Variants in KLHL1 observed in about 807,000 individuals in gnomAD.
KLHL1 encodes kelch-like protein 1.
Under a neutral mutation model 77.7 loss-of-function variants are expected in KLHL1, and 47 were observed. That is an observed-to-expected ratio of 0.60 (90% CI 0.48 to 0.77). The LOEUF is 0.77. Among genes scored for constraint, KLHL1 ranks in the 30% least tolerant of loss-of-function variants. KLHL1 has a pLI of 0.00. For missense variants in KLHL1, 925 were observed against 910.8 expected (o/e 1.02, Z -0.20); for synonymous variants, 360 against 325.2 (o/e 1.11, Z -1.15).
At chr13:69,869,036 G>A (rs542345839) in intron 5 of KLHL1, among the ~76,000 whole-genome samples, 5 of 151,940 alleles carry the variant, frequency 3.3e-5, no homozygotes, top group Non-Finnish European at 5.9e-5. Flanking sequence ...GGCCTGATAA[G>A]GAAGCTAACG....
intron 1 of KLHL1, among the ~76,000 whole-genome samples, chr13:70,013,543 A>G (rs1013124683): frequency 2.0e-5 from 3 of 152,168 alleles, no homozygotes; most frequent in Admixed American, 6.5e-5. Context: ...AAGTTGAAGC[A>G]TTGTTCTTTG....
rs541609682 is a variant in KLHL1 at position 69,835,829 on chromosome 13, A to G, written c.1414+3147T>C. 3.9e-5 allele frequency among the ~76,000 whole-genome samples: 6 copies of G among 152,168 alleles called. No individual in the cohort carries two copies. In the South Asian group the frequency reaches 1.2e-3, roughly 32 times the overall value. ...AAGAAATAATGGACAGAATGAAAAA[A>G]AATAAGTGAAGAACATTAAAATTCA... is the stretch of plus-strand genomic sequence containing the variant. On this transcript the variant is annotated intron_variant, in intron 6 of 10. Coordinates refer to ENST00000377844, the MANE Select transcript of KLHL1 (RefSeq NM_020866.3).
At chr13:69,790,094 C>T (rs1006840198) in intron 7 of KLHL1, among the ~76,000 whole-genome samples, 1 of 151,860 alleles carries the variant, frequency 6.6e-6, no homozygotes. Flanking sequence ...CTAAGCTAAC[C>T]ATTATGTTTC....
chr13:70,102,541 A>G (rs1023844952), intron 1 of KLHL1, among the ~76,000 whole-genome samples: 3 of 152,118 alleles, frequency 2.0e-5, no homozygotes, highest in Non-Finnish European at 4.4e-5. Flanking sequence ...ATAACCTCAG[A>G]TGCTGCCTCT....
chr13:70,101,417 A>G (rs148930838), intron 1 of KLHL1, among the ~76,000 whole-genome samples: 6 of 152,016 alleles, frequency 3.9e-5, no homozygotes, highest in Non-Finnish European at 7.4e-5. Flanking sequence ...ATCCAATTCA[A>G]TAGCCGTATA....
chr13:70,001,697 C>CT (rs1555289483), intron 1 of KLHL1, among the ~76,000 whole-genome samples: 11 of 148,010 alleles, frequency 7.4e-5, no homozygotes, highest in Admixed American at 2.0e-4. Flanking sequence ...ATCTATCTAT[C>CT]ATCTTTCTAC....
Position 69,965,333 on chromosome 13 carries a change from T to C in KLHL1, c.681-3889A>G, listed in dbSNP as rs187282577. On this transcript the variant is annotated intron_variant, in intron 2 of 10. Coordinates refer to ENST00000377844, the MANE Select transcript of KLHL1 (RefSeq NM_020866.3). ...ATATTTCAAATATTTTATTGTTATGTCTGTTACAGTAATTTGTGAGCAGTG... is the reference window on the plus strand; with the variant it reads ...ATATTTCAAATATTTTATTGTTATGCCTGTTACAGTAATTTGTGAGCAGTG... 1.5e-4 allele frequency among the ~76,000 whole-genome samples: 23 copies of C among 152,316 alleles called. No homozygotes were observed. In the East Asian group the frequency reaches 3.7e-3, roughly 24 times the overall value.
chr13:69,829,660 A>G (rs1303126264), intron 6 of KLHL1, among the ~76,000 whole-genome samples: 1 of 150,046 alleles, frequency 6.7e-6, no homozygotes, highest in Non-Finnish European at 1.5e-5. Context: ...CGCCAGAGAA[A>G]GGTGAAAAAC....
At chr13:69,939,350 T>TATATATATATATATATATACATAC (rs1883284722) in intron 4 of KLHL1, among the ~76,000 whole-genome samples, 2 of 46,936 alleles carry the variant, frequency 4.3e-5, no homozygotes, top group African/African-American at 8.7e-5. Context: ...CATATATATA[T>TATATATATATATATATATACATAC]ATATATATAT....
intron 1 of KLHL1, among the ~76,000 whole-genome samples, chr13:70,032,576 C>G (rs56090652): frequency 6.6e-6 from 1 of 151,950 alleles, no homozygotes; most frequent in Non-Finnish European, 1.5e-5. Flanking sequence ...TTCTTACTTA[C>G]GATGTTAGTT....
chr13:69,804,603 C>T (rs1877535521), intron 6 of KLHL1, among the ~76,000 whole-genome samples: 1 of 152,084 alleles, frequency 6.6e-6, no homozygotes, highest in Non-Finnish European at 1.5e-5. Context: ...AGCCATTTTA[C>T]AAACTCACAA....
intron 1 of KLHL1, among the ~76,000 whole-genome samples, chr13:69,978,491 T>A (rs1441115631): frequency 1.9e-4 from 12 of 63,058 alleles, no homozygotes; most frequent in East Asian, 8.3e-4. Flanking sequence ...TCAGAATATT[T>A]TTTTTTTTTT....
chr13:69,794,825 T>C (rs1375438349), intron 7 of KLHL1, among the ~76,000 whole-genome samples: 2 of 151,758 alleles, frequency 1.3e-5, no homozygotes, highest in African/African-American at 2.4e-5. Context: ...TTAAGAACAA[T>C]ACAGAAGGCT....
At chr13:69,740,264 A>G in intron 8 of KLHL1, 130 bp downstream of exon 8, 1 of 671,306 alleles carries the variant, frequency 1.5e-6, no homozygotes, top group Non-Finnish European at 2.3e-6. Context: ...TTATTTGTCA[A>G]TTTAAAAATA....
rs571394192 is a variant in KLHL1, at chr13:69,834,809, T to C, written c.1414+4167A>G. On this transcript the variant is annotated intron_variant, in intron 6 of 10. Transcript: ENST00000377844. The stretch of plus-strand genomic sequence containing the variant: ...ACTTGTAGTTTTGAATATTTGCTAA[T>C]AATCCCTCAGTTCTAAGGCATGTAT... 2.0e-5 allele frequency among the ~76,000 whole-genome samples: 3 copies of C among 152,240 alleles called. No homozygotes were observed. The South Asian group carries it at 6.2e-4, about 32-fold the overall frequency.
chr13:69,955,945 TATATATATATTTG>T, intron 3 of KLHL1, among the ~76,000 whole-genome samples: 1 of 38,834 alleles, frequency 2.6e-5, no homozygotes, highest in East Asian at 3.6e-4. Flanking sequence ...GATATATATT[TATATATATATTTG>T]ATATTTATAT....
intron 9 of KLHL1, 36 bp downstream of exon 9, chr13:69,719,333 G>T: frequency 6.3e-7 from 1 of 1,575,788 alleles, no homozygotes; most frequent in Non-Finnish European, 8.7e-7. Flanking sequence ...GATTTGCACT[G>T]TCTCTTTCGC....
chr13:69,887,050 T>C (rs1473229752), intron 4 of KLHL1, among the ~76,000 whole-genome samples: 1 of 152,172 alleles, frequency 6.6e-6, no homozygotes, highest in Non-Finnish European at 1.5e-5. Context: ...CTACATCCTC[T>C]GGTTGAGGTT....
At chr13:69,970,888 C>T (rs1884363737) in intron 2 of KLHL1, among the ~76,000 whole-genome samples, 1 of 152,110 alleles carries the variant, frequency 6.6e-6, no homozygotes, top group South Asian at 2.1e-4. Context: ...TGACATCATC[C>T]TTCAAAATAC....
Sources: gnomAD v4.1 joint callset for allele counts (sites outside exome capture counted in the v4.1 genomes callset) on GRCh38, gnomAD v4.1.1 for gene constraint, MANE v1.5 for transcripts, NCBI Gene and HGNC (gene_info 2026-07-23, HGNC 2026-07-21) for gene names.